Variants in MEF2C observed in about 807,000 individuals in gnomAD.
MEF2C encodes the protein myocyte enhancer factor 2C, also known as myocyte-specific enhancer factor 2C.
In MEF2C, 6 loss-of-function variants were observed where a neutral mutation model predicts 50.5. That is an observed-to-expected ratio of 0.12 (90% CI 0.07 to 0.23). MEF2C has a LOEUF of 0.23. Ranked by LOEUF, MEF2C falls within the 10% of genes least tolerant of loss-of-function variation. MEF2C has a pLI of 1.00. For missense variants in MEF2C, 276 were observed against 605.0 expected (o/e 0.46, Z 5.70); for synonymous variants, 183 against 228.0 (o/e 0.80, Z 1.78).
intron 3 of MEF2C, among the ~76,000 whole-genome samples, chr5:88,798,432 G>T (rs1266901905): frequency 7.9e-5 from 12 of 151,378 alleles, no homozygotes; most frequent in Non-Finnish European, 2.9e-5. Flanking sequence ...GATCGATTTG[G>T]GTATTGATAC....
chr5:88,730,850 A>G (rs533083268), intron 7 of MEF2C, among the ~76,000 whole-genome samples: 40 of 152,346 alleles, frequency 2.6e-4, no homozygotes, highest in African/African-American at 8.9e-4. Flanking sequence ...GAGCAGAGAA[A>G]GAAAAAAGAA....
At chr5:88,781,316 A>G (rs1378437418) in intron 3 of MEF2C, among the ~76,000 whole-genome samples, 1 of 152,258 alleles carries the variant, frequency 6.6e-6, no homozygotes, top group Admixed American at 6.5e-5. Flanking sequence ...ATATGCAAAA[A>G]GGAACAGCAG....
At chr5:88,748,949 AT>A in intron 6 of MEF2C, 120 bp downstream of exon 6, 5 of 1,522,500 alleles carry the variant, frequency 3.3e-6, no homozygotes, top group Non-Finnish European at 2.7e-6. Context: ...TCTTGGTGTC[AT>A]TTTTCCATGC....
chr5:88,829,800 T>C (rs1306646839), intron 1 of MEF2C, among the ~76,000 whole-genome samples: 1 of 151,994 alleles, frequency 6.6e-6, no homozygotes, highest in East Asian at 1.9e-4. Context: ...TCCAGACTGA[T>C]TATTTAATCC....
At chr5:88,779,072 T>C (rs544376870) in intron 3 of MEF2C, among the ~76,000 whole-genome samples, 258 of 152,366 alleles carry the variant, frequency 1.7e-3, no homozygotes, top group Middle Eastern at 0.01. Flanking sequence ...AATAAAGTTG[T>C]ATAACTTTTA....
intron 1 of MEF2C, among the ~76,000 whole-genome samples, chr5:88,874,689 T>C (rs1162896176): frequency 2.0e-5 from 3 of 151,944 alleles, no homozygotes; most frequent in Non-Finnish European, 4.4e-5. Flanking sequence ...ATCATTCTTA[T>C]CTATTTAAGT....
chr5:88,750,228 A>G (rs370797569), intron 5 of MEF2C: 2 of 348,506 alleles, frequency 5.7e-6, no homozygotes, highest in Non-Finnish European at 4.0e-6. Context: ...TTTTTGAGAC[A>G]GAGCTTGCTC....
intron 3 of MEF2C, among the ~76,000 whole-genome samples, chr5:88,784,117 T>A (rs1309832918): frequency 6.6e-6 from 1 of 152,236 alleles, no homozygotes; most frequent in Non-Finnish European, 1.5e-5. Context: ...TCTTTGCACT[T>A]CTATTTAATA....
rs193011216 is a variant in MEF2C at position 88,751,338 on chromosome 5, C to A, written c.589+519G>T. On this transcript the variant is annotated intron_variant, in intron 5 of 10. Coordinates refer to ENST00000504921, the MANE Select transcript of MEF2C (RefSeq NM_002397.5). Reference sequence around the variant, plus strand: ...TTCTGATTCAGCTTTGTTTTTATTTCACATGTCTTACAAATGATGCTATCT... The same window carrying A: ...TTCTGATTCAGCTTTGTTTTTATTTAACATGTCTTACAAATGATGCTATCT... The A allele has an allele frequency of 6.7e-5, 66 of 985,320 alleles. No individual in the cohort carries two copies. In the African/African-American group the frequency reaches 1.1e-3, roughly 16 times the overall value. 61.0% of individuals were successfully genotyped at this position (985,320 alleles called of 1,614,324 possible).
At chr5:88,873,056 T>C (rs1039223990) in intron 1 of MEF2C, among the ~76,000 whole-genome samples, 74 of 151,232 alleles carry the variant, frequency 4.9e-4, no homozygotes, top group African/African-American at 1.7e-3. Context: ...CGTACACACA[T>C]ACACACACAC....
At chr5:88,760,798 G>A (rs1378098767) in intron 4 of MEF2C, among the ~76,000 whole-genome samples, 5 of 152,066 alleles carry the variant, frequency 3.3e-5, no homozygotes, top group Non-Finnish European at 7.4e-5. Flanking sequence ...CTTTTCGATG[G>A]CAACTCTGTT....
rs147724251 is a variant in MEF2C, at chr5:88,788,286, C to T, written c.258+16312G>A. ...CACAATCTCAGTTTACTGCAACCTCCGCCTCCCGGGCTCAAGCAATTCTCC... is the reference window on the plus strand; with the variant it reads ...CACAATCTCAGTTTACTGCAACCTCTGCCTCCCGGGCTCAAGCAATTCTCC... On this transcript the variant is annotated intron_variant, in intron 3 of 10. Transcript: ENST00000504921. Among the ~76,000 whole-genome samples, 497 of 152,186 alleles carry T rather than the reference C, an allele frequency of 3.3e-3. 15 individuals carry two copies. The East Asian group carries it at 0.065, about 20-fold the overall frequency.
intron 3 of MEF2C, among the ~76,000 whole-genome samples, chr5:88,786,744 A>T (rs562047593): frequency 6.6e-6 from 1 of 152,334 alleles, no homozygotes; most frequent in East Asian, 1.9e-4. Context: ...ATATCACTAC[A>T]TTTATTAGTC....
At chr5:88,853,250 A>T (rs1170660887) in intron 1 of MEF2C, among the ~76,000 whole-genome samples, 3 of 151,976 alleles carry the variant, frequency 2.0e-5, no homozygotes, top group Non-Finnish European at 4.4e-5. Context: ...ATTTGTTTTT[A>T]AAAAAAAGTA....
intron 3 of MEF2C, among the ~76,000 whole-genome samples, chr5:88,795,237 T>C (rs982295674): frequency 6.6e-6 from 1 of 152,194 alleles, no homozygotes; most frequent in Admixed American, 6.5e-5. Context: ...CTTTGGGCAG[T>C]ATGGCCATTT....
intron 3 of MEF2C, among the ~76,000 whole-genome samples, chr5:88,783,807 T>G (rs1393141554): frequency 1.3e-5 from 2 of 152,218 alleles, no homozygotes; most frequent in Non-Finnish European, 2.9e-5. Context: ...GATTCCCACA[T>G]GTATTTTCTA....
At chr5:88,746,512 A>G (rs1769730009) in intron 6 of MEF2C, 6 of 984,752 alleles carry the variant, frequency 6.1e-6, no homozygotes, top group Non-Finnish European at 7.2e-6. Context: ...AAAGTAACGT[A>G]ATTGCAGTCT....
intron 1 of MEF2C, among the ~76,000 whole-genome samples, chr5:88,871,472 T>C (rs1440161166): frequency 6.6e-6 from 1 of 152,002 alleles, no homozygotes; most frequent in African/African-American, 2.4e-5. Context: ...TGCTGAGCAC[T>C]CTTTATCCAG....
At chr5:88,864,152 T>G (rs7446740) in intron 1 of MEF2C, among the ~76,000 whole-genome samples, 219 of 5,984 alleles carry the variant, frequency 0.037, no homozygotes, top group African/African-American at 0.21. Flanking sequence ...TTTTTTTTTG[T>G]TTTTTTTTTT....
Sources: gnomAD v4.1 joint callset for allele counts (sites outside exome capture counted in the v4.1 genomes callset) on GRCh38, gnomAD v4.1.1 for gene constraint, MANE v1.5 for transcripts, NCBI Gene and HGNC (gene_info 2026-07-23, HGNC 2026-07-21) for gene names.